ATP2B3: variants seen among roughly 807,000 people sequenced by gnomAD.
The protein encoded by ATP2B3 is ATPase plasma membrane Ca2+ transporting 3, also known as plasma membrane calcium-transporting ATPase 3.
In ATP2B3, 12 loss-of-function variants were observed where a neutral mutation model predicts 70.8. The ratio of observed to expected loss-of-function variants is 0.17; its 90% confidence interval spans 0.11 to 0.27. The LOEUF (loss-of-function observed/expected upper bound fraction) is 0.27. ATP2B3 is among the 10% of genes least tolerant of loss of function. The probability of loss-of-function intolerance (pLI) is 1.00; values close to 1 mark genes in which losing one functional copy is unlikely to be tolerated. For missense variants in ATP2B3, 858 were observed against 1,118.5 expected (o/e 0.77, Z 3.32); for synonymous variants, 460 against 497.8 (o/e 0.92, Z 1.01).
intron 20 of ATP2B3, among the ~76,000 whole-genome samples, chrX:153,564,427 C>T (rs1444338244): frequency 8.9e-6 from 1 of 112,700 alleles, no homozygotes; most frequent in Non-Finnish European, 1.9e-5. Flanking sequence ...CTACGGGGCA[C>T]GGTCCCCAGC....
At chrX:153,528,914 T>C (rs1340178934) in intron 2 of ATP2B3, among the ~76,000 whole-genome samples, 2 of 112,786 alleles carry the variant, frequency 1.8e-5, no homozygotes, top group Admixed American at 1.9e-4. Context: ...CAGAGTCAGA[T>C]GGTCATGGTT....
chrX:153,577,206 G>A (rs1701733297), intron 21 of ATP2B3, among the ~76,000 whole-genome samples: 1 of 113,232 alleles, frequency 8.8e-6, no homozygotes, highest in Non-Finnish European at 1.9e-5. Flanking sequence ...GGGCACGCTG[G>A]AGTAGCCGGT....
rs1490534983 is a variant in ATP2B3, at chrX:153,563,901, C to T, written c.3160-1020C>T. 2.7e-5 allele frequency among the ~76,000 whole-genome samples: 3 copies of T among 112,906 alleles called. No homozygotes were observed. In the South Asian group the frequency reaches 1.1e-3, roughly 41 times the overall value. On this transcript the variant is annotated intron_variant, in intron 20 of 21. Coordinates refer to ENST00000263519, the MANE Select transcript of ATP2B3 (RefSeq NM_001001344.3). ...CCTCAAGTCCCCTCCTGGCCATGTT[C>T]GACAAATACACTGGCATAGACACAC...
rs140171497 is a variant in ATP2B3, at chrX:153,536,253, C to T, written c.6C>T (p.Gly2=). M[G]DMANSSIEFH... The stretch of plus-strand genomic sequence containing the variant: ...GAGAAGGCCTGACAGGCAGCATGGG[C>T]GACATGGCCAATAGTTCCATCGAGT... The change falls in exon 3 of 22, where the codon GGC becomes GGT. Residue 2 remains glycine (G), a synonymous_variant. Coordinates refer to ENST00000263519, the MANE Select transcript of ATP2B3 (RefSeq NM_001001344.3). 1.1e-4 allele frequency: 136 copies of T among 1,191,324 alleles called. No individual in the cohort carries two copies. Among genetic ancestry groups the T allele is most frequent in the Non-Finnish European group, 1.5e-4 (133 of 885,593 alleles).
At chrX:153,531,898 G>A (rs2090123695) in intron 2 of ATP2B3, among the ~76,000 whole-genome samples, 1 of 112,313 alleles carries the variant, frequency 8.9e-6, no homozygotes, top group South Asian at 3.7e-4. Flanking sequence ...TCTGGAGGAC[G>A]GTGGTGGGAT....
intron 2 of ATP2B3, among the ~76,000 whole-genome samples, chrX:153,522,529 G>A (rs2089972904): frequency 3.6e-5 from 4 of 111,673 alleles, no homozygotes; most frequent in Non-Finnish European, 7.5e-5. Flanking sequence ...CAGAGACTCC[G>A]GGATGTACTG....
chrX:153,570,917 A>G (rs111669185), intron 21 of ATP2B3, among the ~76,000 whole-genome samples: 221 of 106,237 alleles, frequency 2.1e-3, no homozygotes, highest in African/African-American at 7.2e-3. Context: ...CTCCTCTTGC[A>G]TAAGCTGTCA....
intron 21 of ATP2B3, chrX:153,569,658 G>A (rs142298572): frequency 2.6e-4 from 316 of 1,209,268 alleles, no homozygotes; most frequent in Non-Finnish European, 3.3e-4. Flanking sequence ...GCTGTGCGCC[G>A]GCGGTCTTCG....
chrX:153,556,327 C>T lies in ATP2B3; in HGVS notation c.2239-4C>T. ...TGCAGCGTCCTTGTGCTTCCCCTCC[C>T]CAGATAGAACAGGAGCGGCTGGACA... On this transcript the variant is annotated splice_polypyrimidine_tract_variant and splice_region_variant and intron_variant, in intron 14 of 21. Coordinates refer to ENST00000263519, the MANE Select transcript of ATP2B3 (RefSeq NM_001001344.3). 8.3e-7 allele frequency: 1 copy of T among 1,208,722 alleles called. No individual in the cohort carries two copies. The highest frequency in any genetic ancestry group is 1.1e-6 in the Non-Finnish European group (1 of 894,079).
chrX:153,549,748 G>A lies in ATP2B3; in HGVS notation c.1581+9G>A. The A allele has an allele frequency of 8.3e-7, 1 of 1,206,209 alleles. No homozygotes were observed. Among genetic ancestry groups the A allele is most frequent in the African/African-American group, 1.7e-5 (1 of 57,853 alleles). Reference sequence around the variant, plus strand: ...ATACCACCAAAATACTAGTGAGCTGGGGCAGGAGCGGGCGGGCAGGGCCGG... The same window carrying A: ...ATACCACCAAAATACTAGTGAGCTGAGGCAGGAGCGGGCGGGCAGGGCCGG... On this transcript the variant is annotated intron_variant, in intron 11 of 21. Coordinates refer to ENST00000263519, the MANE Select transcript of ATP2B3 (RefSeq NM_001001344.3).
At chrX:153,537,241 C>A (rs1163571794) in intron 3 of ATP2B3, among the ~76,000 whole-genome samples, 1 of 113,462 alleles carries the variant, frequency 8.8e-6, no homozygotes, top group Non-Finnish European at 1.9e-5. Flanking sequence ...CCAGGCCCAG[C>A]CCCAGATTCC....
Position 153,580,493 on chromosome X carries a change from G to T in ATP2B3, c.*195G>T, listed in dbSNP as rs1268041727. The T allele has an allele frequency of 4.7e-6, 2 of 426,058 alleles. No homozygotes were observed. The highest frequency in any genetic ancestry group is 8.0e-6 in the Non-Finnish European group (2 of 250,830). The allele number at this position is 426,058 out of a possible 1,213,427, so 35.1% of individuals were successfully genotyped here. On this transcript the variant is annotated 3_prime_UTR_variant, in exon 22 of 22. Transcript: ENST00000263519. ...TCAACAAGGGTGCAGCCTGCCACAG[G>T]CTCCTCATCCGGACTGAGGAAGACG...
At chrX:153,570,001 G>A (rs187149488) in intron 21 of ATP2B3, 173 of 417,082 alleles carry the variant, frequency 4.1e-4, no homozygotes, top group African/African-American at 3.7e-3. Flanking sequence ...TTGGTTTTTC[G>A]GTTTGTGTTT....
At position 153,549,753 on chromosome X, in the gene ATP2B3, G is replaced by A; in HGVS notation, c.1581+14G>A. ...ACCAAAATACTAGTGAGCTGGGGCA[G>A]GAGCGGGCGGGCAGGGCCGGGGGCA... is the stretch of plus-strand genomic sequence containing the variant. On this transcript the variant is annotated intron_variant, in intron 11 of 21. Transcript: ENST00000263519. 1 of 1,205,527 alleles carries A rather than the reference G, an allele frequency of 8.3e-7. No homozygotes were observed. Among genetic ancestry groups the A allele is most frequent in the Middle Eastern group, 2.3e-4 (1 of 4,338 alleles).
At chrX:153,571,684 C>A (rs1466399345) in intron 21 of ATP2B3, among the ~76,000 whole-genome samples, 2 of 112,571 alleles carry the variant, frequency 1.8e-5, no homozygotes, top group African/African-American at 3.2e-5. Context: ...CGGAGCCTGG[C>A]AGTGCGGGGT....
intron 21 of ATP2B3, among the ~76,000 whole-genome samples, chrX:153,570,486 CA>C (rs2090771052): frequency 1.8e-5 from 2 of 112,187 alleles, no homozygotes; most frequent in Admixed American, 9.4e-5. Flanking sequence ...AAAGAGAACC[CA>C]GGGGCTGTCC....
At chrX:153,561,959 G>T (rs893938751) in intron 19 of ATP2B3, among the ~76,000 whole-genome samples, 176 bp from the exon 20 acceptor site, 17 of 112,675 alleles carry the variant, frequency 1.5e-4, no homozygotes, top group South Asian at 1.1e-3. Flanking sequence ...ACCCAGGGGC[G>T]CTGGGGGCCA....
At chrX:153,553,673 G>A (rs2090492366) in intron 13 of ATP2B3, among the ~76,000 whole-genome samples, 1 of 112,613 alleles carries the variant, frequency 8.9e-6, no homozygotes, top group Non-Finnish European at 1.9e-5. Flanking sequence ...AGGACGTCCT[G>A]TGGCGAGCTC....
rs143745197 is a variant in ATP2B3, at chrX:153,542,357, G to A, written c.699G>A (p.Gln233=). ...TGCCAGCCGACGGCGTGCTCATCCA[G>A]GCCAATGACCTCAAGATCGACGAGA... ...DLLPADGVLI[Q]ANDLKIDESS... Residue 233 remains glutamine (Q), a synonymous_variant, in exon 6 of 22, where the codon CAG becomes CAA. Transcript: ENST00000263519. 3.8e-4 allele frequency: 460 copies of A among 1,210,287 alleles called. 2 individuals carry two copies. The African/African-American group carries it at 6.7e-3, about 18-fold the overall frequency.
Sources: gnomAD v4.1 joint callset for allele counts (sites outside exome capture counted in the v4.1 genomes callset) on GRCh38, gnomAD v4.1.1 for gene constraint, MANE v1.5 for transcripts, NCBI Gene and HGNC (gene_info 2026-07-23, HGNC 2026-07-21) for gene names.